DLGAP2: variants seen among roughly 807,000 people sequenced by gnomAD.
The protein encoded by DLGAP2 is DLG associated protein 2, also known as disks large-associated protein 2.
Under a neutral mutation model 100.3 loss-of-function variants are expected in DLGAP2, and 26 were observed. The observed-to-expected ratio is 0.26, with a 90% CI of 0.19 to 0.36. The LOEUF is 0.36. Among genes scored for constraint, DLGAP2 ranks in the 10% least tolerant of loss-of-function variants. The pLI is 1.00. For missense variants in DLGAP2, 1,858 were observed against 1,453.2 expected (o/e 1.28, Z -4.53); for synonymous variants, 886 against 630.1 (o/e 1.41, Z -6.08).
chr8:1,430,493 G>A (rs905675469), intron 3 of DLGAP2, among the ~76,000 whole-genome samples: 1 of 152,192 alleles, frequency 6.6e-6, no homozygotes, highest in Non-Finnish European at 1.5e-5. Context: ...AGCCTGGAAA[G>A]ACTGATGTTT....
chr8:1,503,210 T>G (rs996525086), intron 4 of DLGAP2, among the ~76,000 whole-genome samples: 1 of 152,186 alleles, frequency 6.6e-6, no homozygotes, highest in East Asian at 1.9e-4. Context: ...TGTTGCTGTA[T>G]AGCCGTCAGC....
intron 3 of DLGAP2, among the ~76,000 whole-genome samples, chr8:1,320,761 C>T (rs1800877556): frequency 6.6e-6 from 1 of 152,206 alleles, no homozygotes; most frequent in African/African-American, 2.4e-5. Flanking sequence ...TGCGGTCTTC[C>T]CCCAAGCCAT....
chr8:1,580,422 C>T (rs981745363), intron 6 of DLGAP2, among the ~76,000 whole-genome samples: 2 of 152,090 alleles, frequency 1.3e-5, no homozygotes, highest in Non-Finnish European at 2.9e-5. Flanking sequence ...AATTACCCAG[C>T]GGAGGCTCGA....
chr8:1,106,588 TTTTC>T, intron 2 of DLGAP2, among the ~76,000 whole-genome samples: 1 of 148,864 alleles, frequency 6.7e-6, no homozygotes, highest in African/African-American at 2.5e-5. Flanking sequence ...TCTAGGAGGG[TTTTC>T]TGCTGAAGGA....
intron 2 of DLGAP2, among the ~76,000 whole-genome samples, chr8:1,009,460 A>G (rs1487282475): frequency 6.6e-6 from 1 of 152,192 alleles, no homozygotes; most frequent in Non-Finnish European, 1.5e-5. Context: ...CCTAGGACAG[A>G]CTTTTGGTAT....
intron 2 of DLGAP2, among the ~76,000 whole-genome samples, chr8:1,150,656 C>G (rs936363987): frequency 2.6e-5 from 4 of 152,122 alleles, no homozygotes; most frequent in African/African-American, 9.7e-5. Flanking sequence ...GGACACTGCT[C>G]AACTTGGAGG....
intron 1 of DLGAP2, among the ~76,000 whole-genome samples, chr8:778,724 A>G (rs1454524898): frequency 6.6e-6 from 1 of 152,208 alleles, no homozygotes; most frequent in African/African-American, 2.4e-5. Context: ...GCGTACTGGG[A>G]GAACCACTGC....
chr8:1,468,173 G>C (rs750306407), intron 3 of DLGAP2, among the ~76,000 whole-genome samples: 1 of 152,206 alleles, frequency 6.6e-6, no homozygotes, highest in Non-Finnish European at 1.5e-5. Context: ...TCCCTTCTGA[G>C]AACCTCCCCA....
intron 6 of DLGAP2, among the ~76,000 whole-genome samples, chr8:1,610,716 G>A (rs1289619021): frequency 6.4e-4 from 91 of 142,684 alleles, no homozygotes; most frequent in Middle Eastern, 7.2e-3. Flanking sequence ...TATCACCACC[G>A]ATCCCACAGA....
At chr8:1,585,107 T>C (rs1372774538) in intron 6 of DLGAP2, among the ~76,000 whole-genome samples, 1 of 152,206 alleles carries the variant, frequency 6.6e-6, no homozygotes, top group Non-Finnish European at 1.5e-5. Flanking sequence ...CTACAACTGA[T>C]ATTGTTTTCA....
Position 751,503 on chromosome 8 carries a change from A to G in DLGAP2, c.18+13678A>G, listed in dbSNP as rs575907713. On this transcript the variant is annotated intron_variant, in intron 1 of 14. Transcript: ENST00000637795. ...TCCCCGGGGACATTACGGAAGTTGG[A>G]TCGTGAGGTTAGAAAAACTTGTCTC... Among the ~76,000 whole-genome samples, 3 of 152,256 alleles carry G rather than the reference A, an allele frequency of 2.0e-5. No individual in the cohort carries two copies. In the East Asian group the frequency reaches 5.8e-4, roughly 29 times the overall value.
chr8:1,112,501 A>G (rs529929372), intron 2 of DLGAP2, among the ~76,000 whole-genome samples: 4 of 152,012 alleles, frequency 2.6e-5, no homozygotes, highest in Non-Finnish European at 4.4e-5. Flanking sequence ...CAGCCTTACA[A>G]AGTGCTGGGA....
rs576670618 is a variant in DLGAP2, at chr8:1,602,457, A to G, written c.1443-24283A>G. On this transcript the variant is annotated intron_variant, in intron 6 of 14. Transcript: ENST00000637795. ...GTGAAAGGCCTATTCCACACAGGGA[A>G]TATACTGATTCATGCAGCCATGTTG... Among the ~76,000 whole-genome samples the G allele has an allele frequency of 3.9e-5, 6 of 152,352 alleles. No homozygotes were observed. The East Asian group carries it at 1.2e-3, about 29-fold the overall frequency.
chr8:947,098 C>T (rs1799345131), intron 2 of DLGAP2, among the ~76,000 whole-genome samples: 1 of 152,200 alleles, frequency 6.6e-6, no homozygotes, highest in African/African-American at 2.4e-5. Context: ...GGATGGCATC[C>T]CTGGCTCCGG....
At chr8:1,094,077 G>A (rs569144518) in intron 2 of DLGAP2, among the ~76,000 whole-genome samples, 1 of 151,912 alleles carries the variant, frequency 6.6e-6, no homozygotes, top group Non-Finnish European at 1.5e-5. Flanking sequence ...GCTGCGAGGT[G>A]GGCGGAGGGC....
chr8:1,061,870 G>A (rs1255406349), intron 2 of DLGAP2, among the ~76,000 whole-genome samples: 1 of 151,954 alleles, frequency 6.6e-6, no homozygotes, highest in Non-Finnish European at 1.5e-5. Context: ...CTGTGTGGAC[G>A]GGGCCCCTCC....
intron 2 of DLGAP2, among the ~76,000 whole-genome samples, chr8:966,741 G>T (rs1333618645): frequency 6.6e-6 from 1 of 152,210 alleles, no homozygotes; most frequent in Non-Finnish European, 1.5e-5. Context: ...GAAGCAAATG[G>T]ACTGAGAGTG....
At chr8:1,241,245 C>T (rs1335470908) in intron 2 of DLGAP2, among the ~76,000 whole-genome samples, 1 of 150,398 alleles carries the variant, frequency 6.6e-6, no homozygotes, top group African/African-American at 2.4e-5. Context: ...AGTTCTGTCA[C>T]ATGGAACCAT....
chr8:1,217,151 C>T (rs924474432), intron 2 of DLGAP2, among the ~76,000 whole-genome samples: 3 of 152,152 alleles, frequency 2.0e-5, no homozygotes, highest in Non-Finnish European at 4.4e-5. Context: ...TGTTGCTCCC[C>T]TCTTTGTGCT....
Sources: allele counts gnomAD v4.1 joint callset (sites outside exome capture counted in the v4.1 genomes callset), GRCh38; gene constraint gnomAD v4.1.1; transcripts MANE v1.5; gene names NCBI Gene and HGNC (gene_info 2026-07-23, HGNC 2026-07-21).